Variants in UNC13B observed in about 807,000 individuals in gnomAD.
UNC13B encodes the protein unc-13 homolog B.
A neutral mutation model predicts 211.0 loss-of-function variants in UNC13B; 144 were observed. That is an observed-to-expected ratio of 0.68 (90% confidence interval 0.60 to 0.78). UNC13B has a LOEUF of 0.78. Ranked by LOEUF, UNC13B falls within the 30% of genes least tolerant of loss-of-function variation. The pLI is 0.00. For missense variants in UNC13B, 1,777 were observed against 2,002.0 expected (o/e 0.89, Z 2.14); for synonymous variants, 709 against 725.8 (o/e 0.98, Z 0.37).
Position 35,303,119 on chromosome 9 carries a change from C to G in UNC13B, c.3715C>G (p.His1239Asp). 1 of 398,606 alleles carries G rather than the reference C, an allele frequency of 2.5e-6. No homozygotes were observed. Among genetic ancestry groups the G allele is most frequent in the East Asian group, 3.6e-5 (1 of 28,062 alleles). 24.7% of individuals were successfully genotyped at this position (398,606 alleles called of 1,614,324 possible). A position where few individuals can be genotyped will look rare whatever the true frequency, so the allele number is the denominator to read the frequency against. Reference protein sequence around the residue: ...SCVTSENPKNHVEKHETSSFI... With the variant: ...SCVTSENPKNDVEKHETSSFI... ...TGTGACTTCTGAGAACCCGAAGAACCATGTTGAAAAACATGAAACTTCTAG... is the reference window on the plus strand; with the variant it reads ...TGTGACTTCTGAGAACCCGAAGAACGATGTTGAAAAACATGAAACTTCTAG... The change falls in exon 9 of 40, where the codon CAT becomes GAT. Residue 1239 changes from histidine (H) to aspartate (D), a missense_variant. His to Asp is a moderately conservative substitution (Grantham distance 81). Coordinates refer to ENST00000635942, the MANE Select transcript of UNC13B (RefSeq NM_001371189.2).
At chr9:35,216,528 C>G (rs977477150) in intron 1 of UNC13B, among the ~76,000 whole-genome samples, 1 of 152,118 alleles carries the variant, frequency 6.6e-6, no homozygotes, top group African/African-American at 2.4e-5. Flanking sequence ...CAAAAACAGC[C>G]TTTTCTCTTT....
intron 25 of UNC13B, among the ~76,000 whole-genome samples, 188 bp from the exon 26 acceptor site, chr9:35,390,441 G>T (rs563155523): frequency 6.6e-6 from 1 of 152,304 alleles, no homozygotes; most frequent in South Asian, 2.1e-4. Context: ...GATCCCTTCT[G>T]CCCTCACTTG....
chr9:35,351,106 C>T (rs1048290483), intron 11 of UNC13B, among the ~76,000 whole-genome samples: 2 of 152,184 alleles, frequency 1.3e-5, no homozygotes, highest in African/African-American at 2.4e-5. Context: ...TACATTGATA[C>T]TCTAAGGGGA....
At chr9:35,397,573 C>T in intron 29 of UNC13B, 62 bp from the exon 30 acceptor site, 1 of 1,546,544 alleles carries the variant, frequency 6.5e-7, no homozygotes, top group Non-Finnish European at 8.8e-7. Flanking sequence ...CCACCTCAGG[C>T]AAGATCCCCA....
At position 35,187,168 on chromosome 9, in the gene UNC13B, A is replaced by G. The variant is rs544433528; in HGVS notation, c.22+24863A>G. 8.5e-5 allele frequency among the ~76,000 whole-genome samples: 13 copies of G among 152,356 alleles called. No homozygotes were observed. The South Asian group carries it at 2.7e-3, about 32-fold the overall frequency. On this transcript the variant is annotated intron_variant, in intron 1 of 39. Coordinates refer to ENST00000635942, the MANE Select transcript of UNC13B (RefSeq NM_001371189.2). ...AAGTGTGGTACAGTAGATAATTTCC[A>G]TGTAAAATTTTACTTGCCAAGATAT... is the stretch of plus-strand genomic sequence containing the variant.
intron 6 of UNC13B, among the ~76,000 whole-genome samples, chr9:35,257,475 G>T (rs781048396): frequency 7.0e-6 from 1 of 143,154 alleles, no homozygotes; most frequent in Non-Finnish European, 1.5e-5. Flanking sequence ...CAGCTACTCG[G>T]GAGGCTGAAG....
intron 1 of UNC13B, among the ~76,000 whole-genome samples, chr9:35,217,479 C>T (rs1473806990): frequency 1.3e-5 from 2 of 151,374 alleles, no homozygotes; most frequent in Non-Finnish European, 2.9e-5. Context: ...AGCTCCGCCT[C>T]CTGGGTTCAC....
intron 5 of UNC13B, among the ~76,000 whole-genome samples, chr9:35,242,102 T>C (rs1825844080): frequency 6.6e-6 from 1 of 152,056 alleles, no homozygotes; most frequent in South Asian, 2.1e-4. Context: ...AAAAGGTGAG[T>C]TTTGGGGAGA....
intron 7 of UNC13B, among the ~76,000 whole-genome samples, chr9:35,269,142 A>T (rs1827737417): frequency 6.6e-6 from 1 of 152,310 alleles, no homozygotes; most frequent in East Asian, 1.9e-4. Context: ...TTTAGAGACC[A>T]ATCATAAATC....
chr9:35,203,573 C>T (rs1823451590), intron 1 of UNC13B, among the ~76,000 whole-genome samples: 1 of 152,188 alleles, frequency 6.6e-6, no homozygotes, highest in African/African-American at 2.4e-5. Flanking sequence ...CGACCTTTCT[C>T]TCTGGCTCCC....
At chr9:35,291,815 G>T (rs555648278) in intron 7 of UNC13B, among the ~76,000 whole-genome samples, 1 of 152,084 alleles carries the variant, frequency 6.6e-6, no homozygotes, top group Non-Finnish European at 1.5e-5. Flanking sequence ...GTACTAAGAC[G>T]GGCCAAAGTT....
rs897549357 is a variant in UNC13B at position 35,351,621 on chromosome 9, T to A, written c.9415-15326T>A. The stretch of plus-strand genomic sequence containing the variant: ...CCAGATAAGGCTAAGGCAGAGACCA[T>A]GTGTGGCACCAAGAGCAAATCCTCT... On this transcript the variant is annotated intron_variant, in intron 11 of 39. Transcript: ENST00000635942. The A allele has an allele frequency of 1.9e-5, 23 of 1,232,084 alleles. No individual in the cohort carries two copies. The South Asian group carries it at 5.3e-4, about 29-fold the overall frequency. 76.3% of individuals were successfully genotyped at this position (1,232,084 alleles called of 1,614,324 possible).
chr9:35,229,128 A>G (rs964476604), intron 2 of UNC13B, among the ~76,000 whole-genome samples: 8 of 152,184 alleles, frequency 5.3e-5, no homozygotes, highest in Admixed American at 5.2e-4. Context: ...CTGAAGATTA[A>G]AAATGGTATT....
intron 7 of UNC13B, chr9:35,291,243 G>T: frequency 1.2e-6 from 1 of 836,326 alleles, no homozygotes; most frequent in South Asian, 1.8e-5. Flanking sequence ...GGGAGACAAT[G>T]ACCTGTGGTG....
intron 7 of UNC13B, among the ~76,000 whole-genome samples, chr9:35,264,680 C>T (rs1180475815): frequency 6.6e-6 from 1 of 152,164 alleles, no homozygotes; most frequent in Non-Finnish European, 1.5e-5. Flanking sequence ...TCACCACAGA[C>T]CTGGGGGCAA....
chr9:35,341,503 C>A (rs1189301061), intron 11 of UNC13B, among the ~76,000 whole-genome samples: 1 of 152,208 alleles, frequency 6.6e-6, no homozygotes, highest in African/African-American at 2.4e-5. Flanking sequence ...TGTGCTCCAG[C>A]AGTTCCACGG....
rs748908897 is a variant in UNC13B, at chr9:35,386,216, G to A, written c.11017G>A (p.Val3673Met). The A allele has an allele frequency of 1.1e-5, 17 of 1,614,192 alleles. No individual in the cohort carries two copies. The South Asian group carries it at 1.8e-4, about 17-fold the overall frequency. ...PRASQVVKDC[V>M]KACLNSTYEY... is the part of the protein sequence containing the mutation. Reference sequence around the variant, plus strand: ...AGCCAGCCAGGTGGTAAAGGATTGTGTGAAGGCCTGTTTGAACTCCACATA... The same window carrying A: ...AGCCAGCCAGGTGGTAAAGGATTGTATGAAGGCCTGTTTGAACTCCACATA... The change falls in exon 24 of 40, where the codon GTG becomes ATG. Residue 3673 changes from valine (V) to methionine (M), a missense_variant. Transcript: ENST00000635942.
chr9:35,176,473 A>G (rs1185637565), intron 1 of UNC13B, among the ~76,000 whole-genome samples: 3 of 152,120 alleles, frequency 2.0e-5, no homozygotes, highest in East Asian at 3.9e-4. Flanking sequence ...GCTTGAACCC[A>G]GGAGGCAGAG....
In UNC13B at chr9:35,403,572, C is replaced by T. The variant is rs1169262547; in HGVS notation, c.12710C>T (p.Ala4237Val). Reference protein sequence around the residue: ...FTTKSKSNNWAPKYNETFHFL... With the variant: ...FTTKSKSNNWVPKYNETFHFL... The stretch of plus-strand genomic sequence containing the variant: ...ACCAAATCCAAAAGCAACAACTGGG[C>T]CCCCAAGTACAATGAGACATTCCAC... The change falls in exon 39 of 40, where the codon GCC becomes GTC. Residue 4237 changes from alanine to valine, a missense_variant. Physicochemically the swap from Ala to Val is moderately conservative, Grantham distance 64. Coordinates refer to ENST00000635942, the MANE Select transcript of UNC13B (RefSeq NM_001371189.2). 5 of 1,612,930 alleles carry T rather than the reference C, an allele frequency of 3.1e-6. No individual in the cohort carries two copies. The highest frequency in any genetic ancestry group is 2.7e-5 in the African/African-American group (2 of 74,480).
Sources: allele counts gnomAD v4.1 joint callset (sites outside exome capture counted in the v4.1 genomes callset), GRCh38; gene constraint gnomAD v4.1.1; transcripts MANE v1.5; gene names NCBI Gene and HGNC (gene_info 2026-07-23, HGNC 2026-07-21).